AKR1B10: variants seen among roughly 807,000 people sequenced by gnomAD.
AKR1B10 encodes ARP.
A neutral mutation model predicts 38.9 loss-of-function variants in AKR1B10; 39 were observed. That is an observed-to-expected ratio of 1.00 (90% CI 0.78 to 1.31). The LOEUF (loss-of-function observed/expected upper bound fraction) is 1.31, where lower values mean the gene tolerates loss of function less well. Ranked by LOEUF, AKR1B10 falls within the 50% of genes most tolerant of loss-of-function variation. AKR1B10 has a pLI of 0.00. For missense variants in AKR1B10, 361 were observed against 382.6 expected, an observed-to-expected ratio of 0.94 and a Z score of 0.47; for synonymous variants, 148 against 141.2, an observed-to-expected ratio of 1.05 and a Z score of -0.34.
chr7:134,540,172 T>A (rs1808111630), intron 9 of AKR1B10, among the ~76,000 whole-genome samples: 1 of 151,884 alleles, frequency 6.6e-6, no homozygotes, highest in African/African-American at 2.4e-5. Flanking sequence ...GAGCTGAGAT[T>A]GCGCCACTGC....
intron 5 of AKR1B10, 109 bp downstream of exon 5, chr7:134,536,881 C>T (rs1808023519): frequency 1.3e-6 from 2 of 1,578,676 alleles, no homozygotes; most frequent in South Asian, 1.2e-5. Context: ...GGTCAGTGAT[C>T]AGGACACTTT....
chr7:134,539,097 G>A, intron 9 of AKR1B10, 80 bp downstream of exon 9: 1 of 1,557,368 alleles, frequency 6.4e-7, no homozygotes, highest in South Asian at 1.1e-5. Context: ...GGATTGGAAG[G>A]CTGCTGGGAC....
rs890118216 is a variant in AKR1B10, at chr7:134,535,746, T to G, written c.430-904T>G. ...TCTGAGGCAGCCTCAGTGTCATGAT[T>G]GATGGCTCCATAGAAGGGAACTCTA... is the stretch of plus-strand genomic sequence containing the variant. On this transcript the variant is annotated intron_variant, in intron 4 of 9. Coordinates refer to ENST00000359579, the MANE Select transcript of AKR1B10 (RefSeq NM_020299.5). The G allele has an allele frequency of 7.5e-6, 7 of 936,568 alleles. No homozygotes were observed. The African/African-American group carries it at 1.3e-4, about 17-fold the overall frequency. The allele number at this position is 936,568 out of a possible 1,614,324, so 58.0% of individuals were successfully genotyped here.
At position 134,532,984 on chromosome 7, in the gene AKR1B10, T is replaced by A; in HGVS notation, c.352-20T>A. 6.3e-7 allele frequency: 1 copy of A among 1,594,796 alleles called. No homozygotes were observed. Among genetic ancestry groups the A allele is most frequent in the Non-Finnish European group, 8.5e-7 (1 of 1,172,414 alleles). The stretch of plus-strand genomic sequence containing the variant: ...TGTCCTGATGCAGATTCCAGTAAAC[T>A]TTTCATTCTGTGTTCACAGTCTGGG... On this transcript the variant is annotated intron_variant, in intron 3 of 9. Coordinates refer to ENST00000359579, the MANE Select transcript of AKR1B10 (RefSeq NM_020299.5).
intron 2 of AKR1B10, among the ~76,000 whole-genome samples, chr7:134,531,439 C>T (rs1807853302): frequency 6.6e-6 from 1 of 152,110 alleles, no homozygotes; most frequent in South Asian, 2.1e-4. Context: ...CACTGTGTAG[C>T]AGCCAAGTCT....
rs1412139685 is a variant in AKR1B10 at position 134,528,157 on chromosome 7, C to T, written c.66+180C>T. Among the ~76,000 whole-genome samples the T allele has an allele frequency of 2.6e-5, 4 of 152,328 alleles. No homozygotes were observed. The East Asian group carries it at 7.7e-4, about 29-fold the overall frequency. ...AGAGCTGATTCAGGCTGCAAAGCTC[C>T]AAGGCTGGCTTTCCCAGCAGTGATG... On this transcript the variant is annotated intron_variant, in intron 1 of 9. Transcript: ENST00000359579.
chr7:134,530,987 A>C (rs781502292), intron 2 of AKR1B10, among the ~76,000 whole-genome samples, 177 bp downstream of exon 2: 1 of 152,202 alleles, frequency 6.6e-6, no homozygotes, highest in Non-Finnish European at 1.5e-5. Context: ...ATATTTGAAC[A>C]TGTCGTGGCT....
At chr7:134,530,950 C>A in intron 2 of AKR1B10, 140 bp downstream of exon 2, 1 of 1,212,266 alleles carries the variant, frequency 8.2e-7, no homozygotes, top group Non-Finnish European at 1.1e-6. Flanking sequence ...GTGAATACAA[C>A]ACTATCCATA....
At chr7:134,536,527 A>C in intron 4 of AKR1B10, 123 bp from the exon 5 acceptor site, 1 of 1,436,390 alleles carries the variant, frequency 7.0e-7, no homozygotes, top group Non-Finnish European at 9.2e-7. Context: ...TTTCCTGTGA[A>C]TGCTTCGGCT....
At chr7:134,540,803 T>C (rs1462992171) in intron 9 of AKR1B10, among the ~76,000 whole-genome samples, 1 of 152,162 alleles carries the variant, frequency 6.6e-6, no homozygotes, top group Admixed American at 6.5e-5. Flanking sequence ...CCAGGCTTAC[T>C]ATGGGTTGTC....
chr7:134,535,401 A>G (rs1216014692), intron 4 of AKR1B10, among the ~76,000 whole-genome samples: 1 of 151,982 alleles, frequency 6.6e-6, no homozygotes, highest in Non-Finnish European at 1.5e-5. Flanking sequence ...AAGTGCTGAG[A>G]TTACAGTCAT....
intron 4 of AKR1B10, among the ~76,000 whole-genome samples, chr7:134,533,960 G>A (rs770963284): frequency 6.0e-4 from 91 of 152,302 alleles, no homozygotes; most frequent in Non-Finnish European, 1.0e-3. Flanking sequence ...TTTGGTAGCT[G>A]TCTGTGTAGG....
At chr7:134,532,907 T>G in intron 3 of AKR1B10, 97 bp from the exon 4 acceptor site, 2 of 960,346 alleles carry the variant, frequency 2.1e-6, no homozygotes, top group Non-Finnish European at 1.6e-6. Flanking sequence ...GGTATGCAGA[T>G]GTGGTATTTA....
chr7:134,531,954 A>C lies in AKR1B10; in HGVS notation c.281A>C (p.Glu94Ala). 3 of 1,614,088 alleles carry C rather than the reference A, an allele frequency of 1.9e-6. No individual in the cohort carries two copies. The highest frequency in any genetic ancestry group is 2.5e-6 in the Non-Finnish European group (3 of 1,179,962). Reference sequence around the variant, plus strand: ...AGACCCCTTGTGAGGAAAGCCTTTGAGAAGACCCTCAAGGACCTGAAGCTG... The same window carrying C: ...AGACCCCTTGTGAGGAAAGCCTTTGCGAAGACCCTCAAGGACCTGAAGCTG... Reference protein sequence around the residue: ...FERPLVRKAFEKTLKDLKLSY... With the variant: ...FERPLVRKAFAKTLKDLKLSY... The change falls in exon 3 of 10, where the codon GAG becomes GCG. Residue 94 changes from glutamate to alanine, a missense_variant. By Grantham distance (107) the Glu-to-Ala change is moderately radical. Around this residue, in one of 3 missense-constraint regions of AKR1B10, gnomAD observed 220 missense variants for 216.1 expected, o/e 1.02. Transcript: ENST00000359579.
chr7:134,540,189 T>G (rs370398261), intron 9 of AKR1B10, among the ~76,000 whole-genome samples: 2 of 151,356 alleles, frequency 1.3e-5, no homozygotes, highest in Non-Finnish European at 2.9e-5. Context: ...CTGCACTCCA[T>G]CCTGGGTGAC....
chr7:134,537,443 C>T (rs937475472), intron 6 of AKR1B10, 137 bp from the exon 7 acceptor site: 3 of 1,284,986 alleles, frequency 2.3e-6, no homozygotes, highest in Middle Eastern at 2.8e-4. Context: ...GGGAAAGGAC[C>T]CAAGCTTCCA....
At chr7:134,536,185 C>T (rs1382953631) in intron 4 of AKR1B10, among the ~76,000 whole-genome samples, 3 of 152,198 alleles carry the variant, frequency 2.0e-5, no homozygotes, top group Non-Finnish European at 2.9e-5. Context: ...ATGCTGCAGC[C>T]TCTTCCTGAC....
chr7:134,539,136 G>T, intron 9 of AKR1B10, 119 bp downstream of exon 9: 2 of 1,261,808 alleles, frequency 1.6e-6, no homozygotes, highest in Middle Eastern at 1.9e-4. Flanking sequence ...CTATTTTGGG[G>T]CAATTTTGAA....
intron 4 of AKR1B10, among the ~76,000 whole-genome samples, chr7:134,536,431 C>T (rs145848010): frequency 6.6e-6 from 1 of 152,080 alleles, no homozygotes; most frequent in Non-Finnish European, 1.5e-5. Flanking sequence ...AAAATCTTTA[C>T]CTGTTACTCC....
Sources: gnomAD v4.1 joint callset for allele counts (sites outside exome capture counted in the v4.1 genomes callset) on GRCh38, gnomAD v4.1.1 for gene constraint, gnomAD v4.1.1 regional missense constraint, MANE v1.5 for transcripts, NCBI Gene and HGNC (gene_info 2026-07-23, HGNC 2026-07-21) for gene names.